The following PSTPIP2 variants were observed in gnomAD, a reference collection of about 807,000 sequenced individuals.
PSTPIP2 encodes the protein proline-serine-threonine phosphatase-interacting protein 2.
Under a neutral mutation model 63.3 loss-of-function variants are expected in PSTPIP2, and 33 were observed. The ratio of observed to expected loss-of-function variants is 0.52; its 90% CI spans 0.40 to 0.70. PSTPIP2 has a LOEUF of 0.70. Ranked by LOEUF, PSTPIP2 falls within the 30% of genes least tolerant of loss-of-function variation. PSTPIP2 has a pLI of 0.00. For synonymous variants in PSTPIP2, 125 were observed against 132.7 expected (o/e 0.94, Z 0.40); for missense variants, 312 against 400.7 (o/e 0.78, Z 1.89).
chr18:46,018,269 A>G (rs142065303), intron 3 of PSTPIP2, among the ~76,000 whole-genome samples: 6 of 152,082 alleles, frequency 3.9e-5, no homozygotes, highest in African/African-American at 1.4e-4. Context: ...TCTTCAGACC[A>G]CTCTGATGAA....
At position 45,988,860 on chromosome 18, in the gene PSTPIP2, C is replaced by G. The variant is rs116570740; in HGVS notation, c.956-101G>C. ...GCATTTCACTTACAGATTCTGGTGTCTATCCTTTTGTAAAGAGAAAATAGA... is the reference window on the plus strand; with the variant it reads ...GCATTTCACTTACAGATTCTGGTGTGTATCCTTTTGTAAAGAGAAAATAGA... On this transcript the variant is annotated intron_variant, in intron 13 of 14. Transcript: ENST00000409746. 2,555 of 977,044 alleles carry G rather than the reference C, an allele frequency of 2.6e-3. 37 individuals carry two copies. In the African/African-American group the frequency reaches 0.033, roughly 13 times the overall value. 60.5% of individuals were successfully genotyped at this position (977,044 alleles called of 1,614,324 possible). A position where few individuals can be genotyped will look rare whatever the true frequency, so the allele number is the denominator to read the frequency against.
chr18:45,997,851 G>C (rs767746817), intron 8 of PSTPIP2, 23 bp from the exon 9 acceptor site: 1 of 1,606,582 alleles, frequency 6.2e-7, no homozygotes, highest in Non-Finnish European at 8.5e-7. Flanking sequence ...GGAGAGACCT[G>C]GGTCAGAAAC....
intron 2 of PSTPIP2, chr18:46,028,589 T>G: frequency 1.3e-6 from 1 of 767,832 alleles, no homozygotes; most frequent in South Asian, 1.3e-5. Flanking sequence ...AAGCGGAGAA[T>G]GAAGCAAAAG....
At chr18:46,048,395 A>G (rs1037695567) in intron 1 of PSTPIP2, among the ~76,000 whole-genome samples, 3 of 152,242 alleles carry the variant, frequency 2.0e-5, no homozygotes, top group Non-Finnish European at 4.4e-5. Context: ...CTCCAGAACC[A>G]TAAGTAATAA....
chr18:46,063,423 A>T (rs958084377), intron 1 of PSTPIP2, among the ~76,000 whole-genome samples: 1 of 152,206 alleles, frequency 6.6e-6, no homozygotes, highest in Admixed American at 6.6e-5. Context: ...ATCCATATAC[A>T]TATATCATTT....
At chr18:46,041,179 A>T in intron 1 of PSTPIP2, 1 of 407,274 alleles carries the variant, frequency 2.5e-6, no homozygotes, top group Non-Finnish European at 4.9e-6. Flanking sequence ...TCCACTGGGA[A>T]GCATGAAACA....
chr18:46,029,502 C>T (rs951277296), intron 2 of PSTPIP2: 4 of 873,552 alleles, frequency 4.6e-6, no homozygotes, highest in Admixed American at 3.4e-5. Context: ...AGCATTGCCA[C>T]ATCTAGGAAT....
chr18:46,022,565 C>A (rs1907402891), intron 3 of PSTPIP2, among the ~76,000 whole-genome samples: 1 of 152,140 alleles, frequency 6.6e-6, no homozygotes, highest in Non-Finnish European at 1.5e-5. Flanking sequence ...TAATTTGTGA[C>A]TCCTACTGCA....
intron 2 of PSTPIP2, among the ~76,000 whole-genome samples, chr18:46,033,326 T>C (rs1202139945): frequency 1.3e-5 from 2 of 152,206 alleles, no homozygotes; most frequent in Admixed American, 1.3e-4. Flanking sequence ...AATAGGGTCA[T>C]TGCAGACGTA....
At chr18:46,055,507 T>C (rs987583562) in intron 1 of PSTPIP2, among the ~76,000 whole-genome samples, 1 of 152,100 alleles carries the variant, frequency 6.6e-6, no homozygotes, top group Non-Finnish European at 1.5e-5. Context: ...TTTTTTTCGT[T>C]GAGGTTTCAT....
chr18:46,062,412 G>A (rs2144133441), intron 1 of PSTPIP2, among the ~76,000 whole-genome samples: 1 of 152,090 alleles, frequency 6.6e-6, no homozygotes, highest in East Asian at 2.0e-4. Context: ...AGGCCGAGGT[G>A]GGTGGATCAT....
intron 2 of PSTPIP2, chr18:46,028,625 A>G (rs4627464): frequency 1.2e-6 from 1 of 801,336 alleles, no homozygotes; most frequent in African/African-American, 1.7e-5. Flanking sequence ...AAAAGAAGCC[A>G]ATTTGGGTGG....
intron 3 of PSTPIP2, among the ~76,000 whole-genome samples, chr18:46,020,102 C>T (rs999202037): frequency 6.6e-6 from 1 of 152,184 alleles, no homozygotes; most frequent in Non-Finnish European, 1.5e-5. Flanking sequence ...GCTTTGTTGT[C>T]TCCCATCATC....
intron 1 of PSTPIP2, 52 bp downstream of exon 1, chr18:46,072,104 C>T: frequency 2.0e-6 from 3 of 1,513,108 alleles, no homozygotes; most frequent in Non-Finnish European, 1.8e-6. Context: ...GTTGGCCTCC[C>T]GCCCGGGCCG....
chr18:46,067,254 G>A (rs908838600), intron 1 of PSTPIP2, among the ~76,000 whole-genome samples: 10 of 152,164 alleles, frequency 6.6e-5, no homozygotes, highest in Admixed American at 2.6e-4. Context: ...TGTAATCCCA[G>A]CACTTTGGGA....
At position 46,056,607 on chromosome 18, in the gene PSTPIP2, G is replaced by A. The variant is rs140325051; in HGVS notation, c.33+15549C>T. On this transcript the variant is annotated intron_variant, in intron 1 of 14. Coordinates refer to ENST00000409746, the MANE Select transcript of PSTPIP2 (RefSeq NM_024430.4). Reference sequence around the variant, plus strand: ...CAGAGCATGGTGGTGCACACCTGTGGTCCCAGCTACTCCGGGGGCTGAGGC... The same window carrying A: ...CAGAGCATGGTGGTGCACACCTGTGATCCCAGCTACTCCGGGGGCTGAGGC... Among the ~76,000 whole-genome samples the A allele has an allele frequency of 1.1e-3, 160 of 152,226 alleles. 1 individual carries two copies. The highest frequency in any genetic ancestry group is 3.6e-3 in the African/African-American group (149 of 41,536).
chr18:46,041,349 T>A (rs1440125795), intron 1 of PSTPIP2, among the ~76,000 whole-genome samples: 3 of 152,146 alleles, frequency 2.0e-5, no homozygotes, highest in African/African-American at 7.2e-5. Flanking sequence ...TGGGCTCAAG[T>A]GATCCTCCTG....
intron 14 of PSTPIP2, among the ~76,000 whole-genome samples, chr18:45,986,963 A>G (rs1220551354): frequency 6.6e-6 from 1 of 152,064 alleles, no homozygotes; most frequent in African/African-American, 2.4e-5. Context: ...TCAGGGTCCT[A>G]AGTAGCTGGG....
intron 3 of PSTPIP2, chr18:46,016,176 G>C (rs1036393497): frequency 5.8e-5 from 29 of 498,436 alleles, no homozygotes; most frequent in Middle Eastern, 5.6e-4. Flanking sequence ...AAAACTCTTT[G>C]TGTTTCATTT....
Sources: allele counts gnomAD v4.1 joint callset (sites outside exome capture counted in the v4.1 genomes callset), GRCh38; gene constraint gnomAD v4.1.1; transcripts MANE v1.5; gene names NCBI Gene and HGNC (gene_info 2026-07-23, HGNC 2026-07-21).